Variants in ARHGEF4 observed in about 807,000 individuals in gnomAD.
ARHGEF4 encodes the protein APC-stimulated guanine nucleotide exchange factor 1.
A neutral mutation model predicts 162.0 loss-of-function variants in ARHGEF4; 119 were observed. That is an observed-to-expected ratio of 0.73 (90% CI 0.63 to 0.86). The LOEUF (loss-of-function observed/expected upper bound fraction) is 0.86. Ranked by LOEUF, ARHGEF4 falls within the 40% of genes least tolerant of loss-of-function variation. The pLI is 0.00. For missense variants in ARHGEF4, 2,488 were observed against 2,456.0 expected, an observed-to-expected ratio of 1.01 and a Z score of -0.28; for synonymous variants, 1,014 against 979.9, an observed-to-expected ratio of 1.03 and a Z score of -0.65.
intron 1 of ARHGEF4, among the ~76,000 whole-genome samples, chr2:130,866,408 T>C (rs900338194): frequency 1.3e-5 from 2 of 152,246 alleles, no homozygotes; most frequent in Admixed American, 6.5e-5. Flanking sequence ...AAGGTGGGTA[T>C]GGCAGGCAGG....
intron 5 of ARHGEF4, 111 bp from the exon 6 acceptor site, chr2:131,038,742 A>G: frequency 1.6e-6 from 2 of 1,244,446 alleles, no homozygotes; most frequent in South Asian, 1.5e-5. Flanking sequence ...GCTCCTCTGT[A>G]AAGAAGTCAG....
At chr2:130,988,297 TCA>T (rs564404887) in intron 4 of ARHGEF4, among the ~76,000 whole-genome samples, 150 of 152,254 alleles carry the variant, frequency 9.9e-4, no homozygotes, top group African/African-American at 3.4e-3. Context: ...AAGACCAGAC[TCA>T]CAGCTCCAAG....
chr2:130,917,654 C>T (rs908334337), intron 2 of ARHGEF4, among the ~76,000 whole-genome samples, 156 bp downstream of exon 2: 3 of 152,028 alleles, frequency 2.0e-5, no homozygotes, highest in Admixed American at 2.0e-4. Context: ...CCCCAGTGAA[C>T]ACAGCGGGTG....
At chr2:131,018,162 A>G (rs1688879135) in intron 4 of ARHGEF4, among the ~76,000 whole-genome samples, 1 of 152,254 alleles carries the variant, frequency 6.6e-6, no homozygotes, top group East Asian at 1.9e-4. Flanking sequence ...TAGAAAATCC[A>G]GAAATAGTGC....
At chr2:130,906,135 C>G (rs1221130891) in intron 1 of ARHGEF4, among the ~76,000 whole-genome samples, 3 of 152,180 alleles carry the variant, frequency 2.0e-5, no homozygotes, top group Non-Finnish European at 2.9e-5. Flanking sequence ...TATTTTTTGG[C>G]ACCACAATGT....
intron 1 of ARHGEF4, among the ~76,000 whole-genome samples, chr2:130,877,697 C>G (rs745857121): frequency 3.9e-5 from 6 of 152,200 alleles, no homozygotes; most frequent in Non-Finnish European, 7.3e-5. Context: ...AGGGGTCCTT[C>G]TCTGTCTTGC....
intron 1 of ARHGEF4, among the ~76,000 whole-genome samples, chr2:130,911,162 G>A (rs1251945345): frequency 1.3e-5 from 2 of 152,126 alleles, no homozygotes; most frequent in Admixed American, 6.5e-5. Context: ...GGGGCCTGCC[G>A]GTCAACACCA....
At chr2:130,902,908 C>A (rs1393519895) in intron 1 of ARHGEF4, among the ~76,000 whole-genome samples, 1 of 73,664 alleles carries the variant, frequency 1.4e-5, no homozygotes, top group Non-Finnish European at 3.1e-5. Flanking sequence ...CTGGGATAGC[C>A]CCACAGGGGC....
chr2:130,978,352 T>A (rs1265111556), intron 4 of ARHGEF4, among the ~76,000 whole-genome samples: 1 of 152,222 alleles, frequency 6.6e-6, no homozygotes, highest in Non-Finnish European at 1.5e-5. Flanking sequence ...TCTTCTGACA[T>A]ACAATATTTC....
chr2:130,905,530 A>G (rs980177815), intron 1 of ARHGEF4, among the ~76,000 whole-genome samples: 2 of 152,086 alleles, frequency 1.3e-5, no homozygotes, highest in African/African-American at 4.8e-5. Flanking sequence ...GTATTTTATT[A>G]ACTGGAATTC....
intron 4 of ARHGEF4, among the ~76,000 whole-genome samples, chr2:131,008,907 T>C (rs1688287776): frequency 6.6e-6 from 1 of 152,252 alleles, no homozygotes; most frequent in South Asian, 2.1e-4. Flanking sequence ...AATGTTATGA[T>C]TTTTGCTTTA....
chr2:130,849,369 C>T (rs1681232946), intron 1 of ARHGEF4, among the ~76,000 whole-genome samples: 1 of 152,142 alleles, frequency 6.6e-6, no homozygotes, highest in East Asian at 1.9e-4. Flanking sequence ...AGGGTCACCC[C>T]CTTTGCTGCC....
chr2:131,022,855 A>G (rs2105356999), intron 4 of ARHGEF4, among the ~76,000 whole-genome samples: 1 of 152,052 alleles, frequency 6.6e-6, no homozygotes, highest in African/African-American at 2.4e-5. Context: ...CTTTGGCACT[A>G]TGAAAACCCT....
chr2:130,931,337 T>G, intron 3 of ARHGEF4, 80 bp downstream of exon 3: 2 of 1,428,044 alleles, frequency 1.4e-6, no homozygotes, highest in Non-Finnish European at 1.9e-6. Context: ...CTTCCTGAGC[T>G]TTTGCCTGAC....
At chr2:131,033,100 G>A (rs1453454966) in intron 5 of ARHGEF4, among the ~76,000 whole-genome samples, 1 of 151,998 alleles carries the variant, frequency 6.6e-6, no homozygotes, top group Non-Finnish European at 1.5e-5. Context: ...CGATCTGCCC[G>A]CCTTGGCTTC....
chr2:130,842,882 G>A lies in ARHGEF4; in HGVS notation c.39+5890G>A, dbSNP rs183717192. ...AAGAGTGACGTCTTGGCAGGTTGGG[G>A]GTAGCTCATTGGCCCAGCTTGTGCA... On this transcript the variant is annotated intron_variant, in intron 1 of 13. Coordinates refer to ENST00000409359, the MANE Select transcript of ARHGEF4 (RefSeq NM_001367493.1). 5.3e-5 allele frequency among the ~76,000 whole-genome samples: 8 copies of A among 152,270 alleles called. No individual in the cohort carries two copies. The East Asian group carries it at 1.5e-3, about 29-fold the overall frequency.
At chr2:131,044,750 TAC>T (rs532781882) in intron 12 of ARHGEF4, among the ~76,000 whole-genome samples, 55 of 152,360 alleles carry the variant, frequency 3.6e-4, no homozygotes, top group Admixed American at 2.9e-3. Context: ...CATCCCATGA[TAC>T]AGTTTCGCAG....
At chr2:131,007,843 G>T (rs1270443741) in intron 4 of ARHGEF4, among the ~76,000 whole-genome samples, 10 of 105,572 alleles carry the variant, frequency 9.5e-5, no homozygotes, top group African/African-American at 3.8e-4. Context: ...ACAGAGTCTC[G>T]CCCTATCCCC....
intron 1 of ARHGEF4, among the ~76,000 whole-genome samples, chr2:130,840,783 C>T (rs1680549732): frequency 6.6e-6 from 1 of 152,158 alleles, no homozygotes; most frequent in Non-Finnish European, 1.5e-5. Flanking sequence ...CCTGGGCTAC[C>T]AGGAACAGTG....
Sources: allele counts gnomAD v4.1 joint callset (sites outside exome capture counted in the v4.1 genomes callset), GRCh38; gene constraint gnomAD v4.1.1; transcripts MANE v1.5; gene names NCBI Gene and HGNC (gene_info 2026-07-23, HGNC 2026-07-21).